ZNF827: variants seen among roughly 807,000 people sequenced by gnomAD.
The protein encoded by ZNF827 is zinc finger protein 827.
In ZNF827, 13 loss-of-function variants were observed where a neutral mutation model predicts 102.4. That is an observed-to-expected ratio of 0.13 (90% CI 0.08 to 0.20). The LOEUF (loss-of-function observed/expected upper bound fraction) is 0.20, where lower values mean the gene tolerates loss of function less well. ZNF827 is among the 10% of genes least tolerant of loss of function. The pLI is 1.00. For synonymous variants in ZNF827, 523 were observed against 536.2 expected, an observed-to-expected ratio of 0.98 and a Z score of 0.34; for missense variants, 1,103 against 1,344.4, an observed-to-expected ratio of 0.82 and a Z score of 2.81.
chr4:145,841,127 G>A (rs1745378097), intron 7 of ZNF827, among the ~76,000 whole-genome samples: 1 of 152,178 alleles, frequency 6.6e-6, no homozygotes, highest in South Asian at 2.1e-4. Flanking sequence ...CATGGACACT[G>A]AATTATTAAT....
chr4:145,817,749 T>G (rs1304928420), intron 8 of ZNF827, among the ~76,000 whole-genome samples: 3 of 152,366 alleles, frequency 2.0e-5, no homozygotes, highest in East Asian at 3.9e-4. Context: ...CTTGTAGACC[T>G]TCTCATCTCT....
intron 1 of ZNF827, among the ~76,000 whole-genome samples, chr4:145,910,375 G>A (rs1579547259): frequency 6.6e-6 from 1 of 152,176 alleles, no homozygotes; most frequent in East Asian, 1.9e-4. Context: ...CTACCTGCCC[G>A]TCTCAGCAGG....
intron 8 of ZNF827, among the ~76,000 whole-genome samples, chr4:145,779,949 G>A (rs953648613): frequency 1.3e-5 from 2 of 152,342 alleles, no homozygotes; most frequent in Admixed American, 1.3e-4. Context: ...CCAGCACTTT[G>A]GGAGGCTGAG....
At chr4:145,871,217 T>C (rs1444939733) in intron 4 of ZNF827, among the ~76,000 whole-genome samples, 1 of 152,228 alleles carries the variant, frequency 6.6e-6, no homozygotes, top group Non-Finnish European at 1.5e-5. Flanking sequence ...TTCCCTAATG[T>C]TAGCATCTTA....
chr4:145,828,977 T>C (rs12648228), intron 7 of ZNF827, among the ~76,000 whole-genome samples: 43,834 of 152,032 alleles, frequency 0.29, 6,570 homozygotes, highest in African/African-American at 0.34. Context: ...CTACTTAAAA[T>C]CAACCCTCCC....
intron 7 of ZNF827, among the ~76,000 whole-genome samples, chr4:145,837,588 T>C (rs1192907931): frequency 5.9e-5 from 9 of 152,288 alleles, no homozygotes; most frequent in Admixed American, 2.0e-4. Flanking sequence ...TACACTGTTT[T>C]TCCAAGGCAT....
At chr4:145,907,350 T>A in intron 1 of ZNF827, 1 of 384,438 alleles carries the variant, frequency 2.6e-6, no homozygotes, top group Non-Finnish European at 5.1e-6. Flanking sequence ...AGCCTGGAAT[T>A]TCCTTTCACA....
chr4:145,788,873 G>C (rs1210984552), intron 8 of ZNF827, among the ~76,000 whole-genome samples: 4 of 152,108 alleles, frequency 2.6e-5, no homozygotes, highest in Non-Finnish European at 5.9e-5. Context: ...TTGTTTGTTT[G>C]GCTTTGTGGC....
intron 1 of ZNF827, among the ~76,000 whole-genome samples, chr4:145,905,292 G>A (rs4835024): frequency 0.67 from 101,832 of 152,114 alleles, 36,612 homozygotes; most frequent in African/African-American, 0.91. Flanking sequence ...TGAAATAGAA[G>A]TAACTAGAAC....
intron 5 of ZNF827, among the ~76,000 whole-genome samples, chr4:145,855,454 G>T (rs1214264397): frequency 6.6e-6 from 1 of 152,192 alleles, no homozygotes; most frequent in African/African-American, 2.4e-5. Flanking sequence ...TTGTGAACAA[G>T]AATGCAGACC....
At chr4:145,894,184 T>G (rs898919330) in intron 2 of ZNF827, among the ~76,000 whole-genome samples, 1 of 152,206 alleles carries the variant, frequency 6.6e-6, no homozygotes, top group African/African-American at 2.4e-5. Context: ...GTCTGGGATT[T>G]GCTTTAAAAT....
At chr4:145,833,642 CCAA>C (rs923527005) in intron 7 of ZNF827, among the ~76,000 whole-genome samples, 7 of 149,694 alleles carry the variant, frequency 4.7e-5, no homozygotes, top group African/African-American at 1.7e-4. Context: ...TTTCTGCACC[CCAA>C]CCTCTTATCT....
intron 1 of ZNF827, among the ~76,000 whole-genome samples, chr4:145,903,856 A>C (rs1751620598): frequency 6.6e-6 from 1 of 152,244 alleles, no homozygotes; most frequent in Non-Finnish European, 1.5e-5. Flanking sequence ...AGTACCGTAT[A>C]AAATCAGATT....
intron 1 of ZNF827, among the ~76,000 whole-genome samples, chr4:145,924,264 T>C (rs1753271214): frequency 6.6e-6 from 1 of 152,204 alleles, no homozygotes; most frequent in Non-Finnish European, 1.5e-5. Flanking sequence ...GGGTAACTCT[T>C]AGGAGACAGG....
intron 2 of ZNF827, among the ~76,000 whole-genome samples, chr4:145,895,235 G>A (rs1489035343): frequency 2.0e-5 from 3 of 152,144 alleles, no homozygotes; most frequent in South Asian, 4.1e-4. Flanking sequence ...GAACACTGCC[G>A]TCTTCCCCTC....
rs367699903 is a variant in ZNF827 at position 145,836,894 on chromosome 4, C to G, written c.2279+9062G>C. ...GTGTTCCATCTGCTATTCTGCTACT[C>G]CTCAGGGATTATTCAGGCACCCTCC... On this transcript the variant is annotated intron_variant, in intron 7 of 14. Coordinates refer to ENST00000508784, the MANE Select transcript of ZNF827 (RefSeq NM_001306215.2). Among the ~76,000 whole-genome samples, 3 of 152,082 alleles carry G rather than the reference C, an allele frequency of 2.0e-5. No individual in the cohort carries two copies. The South Asian group carries it at 6.2e-4, about 32-fold the overall frequency.
At chr4:145,835,016 A>G (rs2126571692) in intron 7 of ZNF827, 1 of 152,332 alleles carries the variant, frequency 6.6e-6, no homozygotes, top group South Asian at 2.1e-4. Context: ...GGAGCTTGCT[A>G]CACGTGCCGG....
intron 6 of ZNF827, among the ~76,000 whole-genome samples, 168 bp downstream of exon 6, chr4:145,849,154 A>G (rs567456623): frequency 6.6e-6 from 1 of 152,288 alleles, no homozygotes; most frequent in East Asian, 1.9e-4. Flanking sequence ...ACTTGGCAAC[A>G]CTTTATTAAC....
chr4:145,796,068 C>G (rs554548489), intron 8 of ZNF827, among the ~76,000 whole-genome samples: 4 of 152,332 alleles, frequency 2.6e-5, no homozygotes, highest in Admixed American at 2.0e-4. Context: ...GTTTCACTGT[C>G]TACCCTACTG....
Sources: allele counts gnomAD v4.1 joint callset (sites outside exome capture counted in the v4.1 genomes callset), GRCh38; gene constraint gnomAD v4.1.1; transcripts MANE v1.5; gene names NCBI Gene and HGNC (gene_info 2026-07-23, HGNC 2026-07-21).